DIPK1A: variants seen among roughly 807,000 people sequenced by gnomAD.
The protein encoded by DIPK1A is family with sequence similarity 69 member A.
In DIPK1A, 27 loss-of-function variants were observed where a neutral mutation model predicts 40.8. The observed-to-expected ratio is 0.66, with a 90% CI of 0.49 to 0.91. The LOEUF is 0.91. DIPK1A is among the 40% of genes least tolerant of loss of function. The pLI is 0.00. For synonymous variants in DIPK1A, 166 were observed against 171.3 expected, an observed-to-expected ratio of 0.97 and a Z score of 0.24; for missense variants, 412 against 505.7, an observed-to-expected ratio of 0.81 and a Z score of 1.78.
At chr1:92,873,892 A>C (rs1288938352) in intron 2 of DIPK1A, among the ~76,000 whole-genome samples, 1 of 152,096 alleles carries the variant, frequency 6.6e-6, no homozygotes, top group Non-Finnish European at 1.5e-5. Context: ...ATACTTTAAC[A>C]ATATTTTTTC....
intron 3 of DIPK1A, among the ~76,000 whole-genome samples, chr1:92,850,201 C>T (rs953469776): frequency 3.3e-5 from 5 of 151,988 alleles, no homozygotes; most frequent in Non-Finnish European, 5.9e-5. Flanking sequence ...GACTCCTGGG[C>T]GCAAGTGGTC....
chr1:92,882,848 C>A (rs534255933), intron 1 of DIPK1A, among the ~76,000 whole-genome samples: 1 of 152,268 alleles, frequency 6.6e-6, no homozygotes, highest in South Asian at 2.1e-4. Flanking sequence ...ATATTATATA[C>A]AATGTTCCTG....
At chr1:92,875,308 T>C (rs1338009803) in intron 2 of DIPK1A, among the ~76,000 whole-genome samples, 1 of 152,012 alleles carries the variant, frequency 6.6e-6, no homozygotes, top group Non-Finnish European at 1.5e-5. Flanking sequence ...GGGTAAAGAG[T>C]AGCTACTCAA....
intron 1 of DIPK1A, among the ~76,000 whole-genome samples, chr1:92,883,915 G>A (rs1557468478): frequency 6.6e-6 from 1 of 152,166 alleles, no homozygotes. Context: ...AAGGAGAAAA[G>A]CACTGGGGAC....
Position 92,850,697 on chromosome 1 carries a change from G to A in DIPK1A, c.297+151C>T, listed in dbSNP as rs1161307137. The stretch of plus-strand genomic sequence containing the variant: ...CTCAAAAAATTAAAATAAAATAAAT[G>A]TCTGTTTAATGAATGAATCAAAGCA... On this transcript the variant is annotated intron_variant, in intron 3 of 4. Transcript: ENST00000370310. 5.1e-6 allele frequency: 3 copies of A among 590,186 alleles called. No homozygotes were observed. In the African/African-American group the frequency reaches 5.7e-5, roughly 11 times the overall value. The allele number at this position is 590,186 out of a possible 1,614,324, so 36.6% of individuals were successfully genotyped here. A position where few individuals can be genotyped will look rare whatever the true frequency, so the allele number is the denominator to read the frequency against.
rs747100217 is a variant in DIPK1A at position 92,834,750 on chromosome 1, T to TTAC, written c.475-1719_475-1717dup. The TTAC allele has an allele frequency of 3.6e-5, 58 of 1,611,966 alleles. No individual in the cohort carries two copies. The East Asian group carries it at 1.2e-3, about 34-fold the overall frequency. On this transcript the variant is annotated intron_variant, in intron 4 of 4. Transcript: ENST00000615519. ...GTAGTAAGACAGTGAAAGCAACAGA[T>TTAC]TACTAACCTAGTTTCTCTCTTACTA...
In DIPK1A at chr1:92,948,921, C is replaced by T. The variant is rs201657849; in HGVS notation, c.54+12455G>A. 2.6e-4 allele frequency among the ~76,000 whole-genome samples: 39 copies of T among 151,384 alleles called. No individual in the cohort carries two copies. In the East Asian group the frequency reaches 6.8e-3, roughly 27 times the overall value. ...CCGGGTTCAAGCGATTCTCCTGCCT[C>T]AGCCTCACAAGTAGCTGGGATTACA... On this transcript the variant is annotated intron_variant, in intron 1 of 4. Transcript: ENST00000370310.
At chr1:92,833,577 T>C (rs147872195) in intron 4 of DIPK1A, 1 of 1,613,468 alleles carries the variant, frequency 6.2e-7, no homozygotes, top group African/African-American at 1.3e-5. Context: ...TCGGAAACGC[T>C]TGGTGATACA....
At chr1:92,915,382 T>C (rs1390353946) in intron 1 of DIPK1A, among the ~76,000 whole-genome samples, 4 of 152,184 alleles carry the variant, frequency 2.6e-5, no homozygotes, top group East Asian at 3.8e-4. Flanking sequence ...TTTATACACA[T>C]ACAGTTACAG....
At chr1:92,856,077 A>AAAAT (rs1432746152) in intron 2 of DIPK1A, among the ~76,000 whole-genome samples, 2 of 151,958 alleles carry the variant, frequency 1.3e-5, no homozygotes, top group Non-Finnish European at 2.9e-5. Context: ...ACCCTGTCTC[A>AAAAT]AAATAAATAA....
At chr1:92,881,289 A>G (rs1648363734) in intron 1 of DIPK1A, among the ~76,000 whole-genome samples, 1 of 148,678 alleles carries the variant, frequency 6.7e-6, no homozygotes, top group Non-Finnish European at 1.5e-5. Flanking sequence ...TACTCCATAC[A>G]CAAATGTTCT....
intron 3 of DIPK1A, among the ~76,000 whole-genome samples, chr1:92,850,525 C>T (rs1557452234): frequency 1.3e-5 from 2 of 151,862 alleles, no homozygotes. Context: ...TACAAAAATA[C>T]AAAAAATTAG....
At chr1:92,932,142 TA>T in intron 1 of DIPK1A, 1 of 225,824 alleles carries the variant, frequency 4.4e-6, no homozygotes, top group South Asian at 5.3e-5. Context: ...TGTAAATTTT[TA>T]AATATTATCC....
chr1:92,900,583 A>T (rs1649368546), intron 1 of DIPK1A, among the ~76,000 whole-genome samples: 1 of 152,020 alleles, frequency 6.6e-6, no homozygotes, highest in African/African-American at 2.4e-5. Flanking sequence ...ATTATTTTGA[A>T]ATTCCTTTTC....
intron 4 of DIPK1A, 135 bp downstream of exon 4, chr1:92,847,045 CTTA>C: frequency 1.8e-6 from 1 of 557,636 alleles, no homozygotes; most frequent in Non-Finnish European, 2.7e-6. Flanking sequence ...CGCCCGGCCT[CTTA>C]TAATTATTTC....
intron 2 of DIPK1A, among the ~76,000 whole-genome samples, chr1:92,875,770 T>A (rs891476889): frequency 4.0e-5 from 6 of 151,446 alleles, no homozygotes; most frequent in African/African-American, 1.5e-4. Flanking sequence ...TTAAATTTAC[T>A]TGAAATTCTC....
At chr1:92,906,517 G>A (rs1450186187) in intron 1 of DIPK1A, among the ~76,000 whole-genome samples, 1 of 152,132 alleles carries the variant, frequency 6.6e-6, no homozygotes, top group African/African-American at 2.4e-5. Flanking sequence ...TCAATAAAAT[G>A]CAGATATAAA....
At chr1:92,837,562 A>G, downstream of DIPK1A, 1 of 1,612,108 alleles carries the variant, frequency 6.2e-7, no homozygotes, top group East Asian at 2.2e-5. Context: ...GCGCTACTTA[A>G]TGGAAGAAGA....
At chr1:92,955,394 G>C (rs1651809478) in intron 1 of DIPK1A, among the ~76,000 whole-genome samples, 1 of 152,156 alleles carries the variant, frequency 6.6e-6, no homozygotes, top group Non-Finnish European at 1.5e-5. Flanking sequence ...CATTATGTGG[G>C]GGATGTTAAA....
Sources: gnomAD v4.1 joint callset for allele counts (sites outside exome capture counted in the v4.1 genomes callset) on GRCh38, gnomAD v4.1.1 for gene constraint, MANE v1.5 for transcripts, NCBI Gene and HGNC (gene_info 2026-07-23, HGNC 2026-07-21) for gene names.